Variants in TRHDE observed in about 807,000 individuals in gnomAD.
TRHDE encodes thyrotropin-releasing hormone-degrading ectoenzyme.
A neutral mutation model predicts 125.7 loss-of-function variants in TRHDE; 72 were observed. That is an observed-to-expected ratio of 0.57 (90% CI 0.47 to 0.70). The LOEUF (loss-of-function observed/expected upper bound fraction) is 0.70, where lower values mean the gene tolerates loss of function less well. TRHDE is among the 30% of genes least tolerant of loss of function. TRHDE has a pLI of 0.00. For missense variants in TRHDE, 1,110 were observed against 1,327.1 expected, an observed-to-expected ratio of 0.84 and a Z score of 2.54; for synonymous variants, 509 against 509.1, an observed-to-expected ratio of 1.00 and a Z score of 0.00.
intron 2 of TRHDE, among the ~76,000 whole-genome samples, chr12:72,288,117 T>A (rs1879959487): frequency 6.6e-6 from 1 of 152,154 alleles, no homozygotes; most frequent in Admixed American, 6.5e-5. Context: ...TGTTTCACCA[T>A]TTCACTTGTG....
At chr12:72,287,308 T>C (rs1439338268) in intron 2 of TRHDE, among the ~76,000 whole-genome samples, 2 of 152,192 alleles carry the variant, frequency 1.3e-5, no homozygotes, top group African/African-American at 2.4e-5. Context: ...CTTTTTATTG[T>C]AATGTATTTG....
At chr12:72,090,512 G>T (rs1874764957) in intron 1 of TRHDE, among the ~76,000 whole-genome samples, 1 of 152,056 alleles carries the variant, frequency 6.6e-6, no homozygotes, top group Non-Finnish European at 1.5e-5. Context: ...GTTTAAGAGA[G>T]AACTGCAAAA....
chr12:72,331,601 G>A (rs971024212), intron 2 of TRHDE, among the ~76,000 whole-genome samples: 4 of 152,172 alleles, frequency 2.6e-5, no homozygotes, highest in Non-Finnish European at 5.9e-5. Context: ...CAAGCTGGGC[G>A]AGACTTCATG....
At chr12:72,422,306 C>T (rs1873991050) in intron 3 of TRHDE, among the ~76,000 whole-genome samples, 2 of 152,062 alleles carry the variant, frequency 1.3e-5, no homozygotes, top group African/African-American at 2.4e-5. Context: ...AAAGGGGTAA[C>T]GTTTATTACA....
At chr12:72,410,287 T>C (rs1873440209) in intron 3 of TRHDE, among the ~76,000 whole-genome samples, 2 of 152,046 alleles carry the variant, frequency 1.3e-5, no homozygotes, top group Non-Finnish European at 2.9e-5. Context: ...AACTCTGAGT[T>C]GAACTGGCTT....
At chr12:72,191,542 A>G (rs1392205282) in intron 2 of TRHDE, among the ~76,000 whole-genome samples, 1 of 152,214 alleles carries the variant, frequency 6.6e-6, no homozygotes, top group Non-Finnish European at 1.5e-5. Flanking sequence ...AAAATTCTGC[A>G]GACAACTGTT....
At chr12:72,361,544 T>G (rs1280366987) in intron 2 of TRHDE, among the ~76,000 whole-genome samples, 3 of 149,862 alleles carry the variant, frequency 2.0e-5, no homozygotes, top group Non-Finnish European at 4.4e-5. Context: ...AGTAGGTGTT[T>G]TATAATTTAT....
At chr12:72,304,663 G>A (rs976935741) in intron 2 of TRHDE, among the ~76,000 whole-genome samples, 1 of 152,146 alleles carries the variant, frequency 6.6e-6, no homozygotes, top group African/African-American at 2.4e-5. Flanking sequence ...TGATCGAGAG[G>A]ACAGTTGACA....
chr12:72,272,787 A>T lies in TRHDE; in HGVS notation c.144A>T (p.Glu48Asp). The change falls in exon 1 of 19, where the codon GAA (glutamate) becomes GAT (aspartate). Residue 48 changes from glutamate to aspartate, a missense_variant. Glu to Asp is a conservative substitution (Grantham distance 45). Transcript: ENST00000261180. The surrounding 1 kb of genome is among the most constrained non-coding windows in gnomAD (Gnocchi z 6.7). ...CACCCTTCGCAGCCGCGATGGGGGA[A>T]GACGACGCCGCGCTTCGGGCTGGCA... ...SSSPFAAAMG[E>D]DDAALRAGSR... 1 of 1,557,798 alleles carries T rather than the reference A, an allele frequency of 6.4e-7. No homozygotes were observed. Among genetic ancestry groups the T allele is most frequent in the South Asian group, 1.2e-5 (1 of 86,354 alleles).
chr12:72,140,439 T>C (rs1356494831), intron 2 of TRHDE: 4 of 152,164 alleles, frequency 2.6e-5, no homozygotes, highest in Non-Finnish European at 4.4e-5. Flanking sequence ...GTGTATCTTA[T>C]ATGTATTGAT....
At chr12:72,202,035 C>T (rs1051667952) in intron 2 of TRHDE, among the ~76,000 whole-genome samples, 2 of 152,220 alleles carry the variant, frequency 1.3e-5, no homozygotes, top group African/African-American at 2.4e-5. Context: ...GATATTTGTA[C>T]TGGCCTCAAC....
At chr12:72,487,630 A>G (rs545934613) in intron 5 of TRHDE, among the ~76,000 whole-genome samples, 1 of 152,312 alleles carries the variant, frequency 6.6e-6, no homozygotes, top group South Asian at 2.1e-4. Flanking sequence ...CTTACAAGAA[A>G]TACTTAAAGA....
At chr12:72,646,624 G>A (rs892837998) in intron 15 of TRHDE, among the ~76,000 whole-genome samples, 54 of 151,978 alleles carry the variant, frequency 3.6e-4, no homozygotes, top group Non-Finnish European at 2.9e-5. Context: ...TAGGCTGAGA[G>A]TGAAGGGATG....
chr12:72,450,777 T>A (rs1380747108), intron 3 of TRHDE, among the ~76,000 whole-genome samples: 1 of 152,098 alleles, frequency 6.6e-6, no homozygotes, highest in Non-Finnish European at 1.5e-5. Context: ...TGTGCAAGGA[T>A]TCCCTTTTCT....
At chr12:72,558,821 A>G (rs1449603392) in intron 7 of TRHDE, among the ~76,000 whole-genome samples, 2 of 152,180 alleles carry the variant, frequency 1.3e-5, no homozygotes, top group Non-Finnish European at 2.9e-5. Context: ...AAGGGCCACC[A>G]AAAGGAGCCA....
intron 3 of TRHDE, among the ~76,000 whole-genome samples, chr12:72,380,991 C>G (rs1161340388): frequency 1.3e-5 from 2 of 151,998 alleles, no homozygotes; most frequent in Non-Finnish European, 2.9e-5. Flanking sequence ...AAGGGTCATT[C>G]TGTGGCTAAA....
chr12:72,223,202 A>G (rs1210328767), intron 2 of TRHDE, among the ~76,000 whole-genome samples: 1 of 152,122 alleles, frequency 6.6e-6, no homozygotes, highest in Non-Finnish European at 1.5e-5. Context: ...AATCCATGTG[A>G]GAAGACCCGA....
At chr12:72,373,096 G>A (rs1331587769) in intron 2 of TRHDE, among the ~76,000 whole-genome samples, 1 of 152,146 alleles carries the variant, frequency 6.6e-6, no homozygotes, top group Non-Finnish European at 1.5e-5. Context: ...TCCTTGAAGA[G>A]ATCCTTCATG....
At chr12:72,327,304 A>G (rs1869384458) in intron 2 of TRHDE, among the ~76,000 whole-genome samples, 1 of 152,156 alleles carries the variant, frequency 6.6e-6, no homozygotes, top group Non-Finnish European at 1.5e-5. Flanking sequence ...AAAATGAGGC[A>G]TAGGGGTGAG....
Sources: gnomAD v4.1 joint callset for allele counts (sites outside exome capture counted in the v4.1 genomes callset) on GRCh38, gnomAD v4.1.1 for gene constraint, Gnocchi (gnomAD v3.1) non-coding constraint, MANE v1.5 for transcripts, NCBI Gene and HGNC (gene_info 2026-07-23, HGNC 2026-07-21) for gene names.